The following LTBP1 variants were observed in gnomAD, a reference collection of about 807,000 sequenced individuals.
LTBP1 encodes latent transforming growth factor beta binding protein 1.
LTBP1 carries 129 observed loss-of-function variants against 207.6 expected under a neutral mutation model. That is an observed-to-expected ratio of 0.62 (90% CI 0.54 to 0.72). The LOEUF is 0.72. Among genes scored for constraint, LTBP1 ranks in the 30% least tolerant of loss-of-function variants. The probability of loss-of-function intolerance (pLI) is 0.00; values close to 1 mark genes in which losing one functional copy is unlikely to be tolerated. For synonymous variants in LTBP1, 963 were observed against 833.7 expected, an observed-to-expected ratio of 1.16 and a Z score of -2.67; for missense variants, 2,281 against 2,217.2, an observed-to-expected ratio of 1.03 and a Z score of -0.58.
At position 33,220,390 on chromosome 2, in the gene LTBP1, A is replaced by G. The variant is rs554740334; in HGVS notation, c.1805-1690A>G. Among the ~76,000 whole-genome samples, 284 of 152,214 alleles carry G rather than the reference A, an allele frequency of 1.9e-3. 2 individuals carry two copies. The highest frequency in any genetic ancestry group is 6.6e-3 in the African/African-American group (274 of 41,534). On this transcript the variant is annotated intron_variant, in intron 8 of 33. Coordinates refer to ENST00000404816, the MANE Select transcript of LTBP1 (RefSeq NM_206943.4). ...TTAGTTTTCAAGTGGCTTTTATTTA[A>G]CATTTGAAGTTTTTGTTTAGCCACA...
chr2:33,392,765 T>A (rs1214378815), intron 32 of LTBP1, among the ~76,000 whole-genome samples: 1 of 152,204 alleles, frequency 6.6e-6, no homozygotes, highest in Non-Finnish European at 1.5e-5. Flanking sequence ...AAAAAAGGTA[T>A]TAGATATGAA....
chr2:33,220,185 C>G (rs2091008643), intron 8 of LTBP1, among the ~76,000 whole-genome samples: 4 of 152,220 alleles, frequency 2.6e-5, no homozygotes, highest in Admixed American at 6.5e-5. Flanking sequence ...AAGTGACTCA[C>G]TCCCAAGAAA....
intron 8 of LTBP1, among the ~76,000 whole-genome samples, chr2:33,220,930 C>T (rs778389340): frequency 7.2e-5 from 11 of 152,246 alleles, no homozygotes; most frequent in Non-Finnish European, 1.2e-4. Flanking sequence ...CACCCCAGTA[C>T]ATATTCACCC....
At chr2:33,225,145 A>G (rs1023061689) in intron 9 of LTBP1, among the ~76,000 whole-genome samples, 1 of 152,178 alleles carries the variant, frequency 6.6e-6, no homozygotes. Context: ...ATCAGCATAT[A>G]ATAATTGTAC....
intron 33 of LTBP1, among the ~76,000 whole-genome samples, chr2:33,397,488 G>C (rs1023228600): frequency 6.9e-6 from 1 of 145,524 alleles, no homozygotes. Flanking sequence ...AATATGTTCT[G>C]TGTATTTTAC....
At chr2:33,199,620 G>A (rs1289674833) in intron 7 of LTBP1, among the ~76,000 whole-genome samples, 1 of 152,182 alleles carries the variant, frequency 6.6e-6, no homozygotes, top group Non-Finnish European at 1.5e-5. Context: ...GGAAGTTCTG[G>A]CCAGGGCAAT....
chr2:33,272,758 G>A (rs2093348569), intron 15 of LTBP1, among the ~76,000 whole-genome samples: 3 of 152,198 alleles, frequency 2.0e-5, no homozygotes, highest in Admixed American at 2.0e-4. Flanking sequence ...CTAACCACCA[G>A]CTGTGCCACC....
At chr2:33,172,645 C>T (rs1479436588) in intron 5 of LTBP1, among the ~76,000 whole-genome samples, 1 of 152,146 alleles carries the variant, frequency 6.6e-6, no homozygotes, top group Non-Finnish European at 1.5e-5. Context: ...AGCTCTGCAC[C>T]AAGCAGACCT....
At chr2:32,994,010 T>G (rs374436162) in intron 2 of LTBP1, among the ~76,000 whole-genome samples, 1 of 55,132 alleles carries the variant, frequency 1.8e-5, no homozygotes, top group Non-Finnish European at 4.8e-5. Flanking sequence ...GTGTGTGTGT[T>G]GGGGGTTATT....
chr2:33,343,835 T>G (rs2094664611), intron 25 of LTBP1, among the ~76,000 whole-genome samples: 1 of 152,248 alleles, frequency 6.6e-6, no homozygotes, highest in Non-Finnish European at 1.5e-5. Flanking sequence ...AAGATGTGAT[T>G]TCTTCACGTC....
chr2:33,350,909 A>G lies in LTBP1; in HGVS notation c.4000+3399A>G, dbSNP rs116632507. On this transcript the variant is annotated intron_variant, in intron 26 of 33. Transcript: ENST00000404816. ...TGCTGTTCTTTTCCTTGATTGGTGT[A>G]CAGAGGAAATTCTGTGGTAGGAACT... Among the ~76,000 whole-genome samples the G allele has an allele frequency of 3.7e-3, 571 of 152,306 alleles. 2 individuals carry two copies. Among genetic ancestry groups the G allele is most frequent in the Non-Finnish European group, 5.5e-3 (376 of 68,024 alleles).
chr2:33,302,865 C>A (rs1485644163), intron 22 of LTBP1, among the ~76,000 whole-genome samples: 1 of 151,622 alleles, frequency 6.6e-6, no homozygotes, highest in Non-Finnish European at 1.5e-5. Context: ...GAGGTCAAGA[C>A]CAGCCTGGCC....
intron 18 of LTBP1, among the ~76,000 whole-genome samples, chr2:33,277,849 A>T (rs1463946872): frequency 9.7e-5 from 6 of 61,602 alleles, no homozygotes; most frequent in Admixed American, 2.1e-4. Context: ...TTTTTTTTTT[A>T]AAGACAGTCT....
At chr2:33,285,681 T>TGGCCAACA in intron 19 of LTBP1, 1 of 151,910 alleles carries the variant, frequency 6.6e-6, no homozygotes, top group Non-Finnish European at 1.5e-5. Flanking sequence ...ACTCCTGACC[T>TGGCCAACA]TGTGATCCAC....
intron 3 of LTBP1, among the ~76,000 whole-genome samples, chr2:33,046,925 G>C (rs1462313809): frequency 6.6e-6 from 1 of 152,070 alleles, no homozygotes; most frequent in Non-Finnish European, 1.5e-5. Flanking sequence ...ATTCTCTGAT[G>C]GTAGTTTGTA....
At chr2:33,116,206 C>A (rs552597942) in intron 4 of LTBP1, among the ~76,000 whole-genome samples, 24 of 152,304 alleles carry the variant, frequency 1.6e-4, no homozygotes, top group African/African-American at 5.5e-4. Context: ...TCCTTAGTCC[C>A]TTTTTCTACT....
intron 3 of LTBP1, among the ~76,000 whole-genome samples, chr2:33,054,311 T>A (rs1478321100): frequency 6.6e-6 from 1 of 152,228 alleles, no homozygotes; most frequent in African/African-American, 2.4e-5. Context: ...AATAATATTC[T>A]GTAATCCTTT....
chr2:33,387,614 G>A (rs951280669), intron 31 of LTBP1, among the ~76,000 whole-genome samples: 1 of 152,146 alleles, frequency 6.6e-6, no homozygotes, highest in Non-Finnish European at 1.5e-5. Context: ...CTCAGAATGT[G>A]TGTGTGCACG....
At chr2:33,088,218 C>T (rs935255420) in intron 3 of LTBP1, among the ~76,000 whole-genome samples, 12 of 152,194 alleles carry the variant, frequency 7.9e-5, no homozygotes, top group African/African-American at 2.9e-4. Context: ...CTTTGGGAGG[C>T]CAAGGCGGGT....
Sources: allele counts gnomAD v4.1 joint callset (sites outside exome capture counted in the v4.1 genomes callset), GRCh38; gene constraint gnomAD v4.1.1; transcripts MANE v1.5; gene names NCBI Gene and HGNC (gene_info 2026-07-23, HGNC 2026-07-21).